Variants in GRIK1 observed in about 807,000 individuals in gnomAD.
GRIK1 encodes glutamate receptor ionotropic, kainate 1.
Under a neutral mutation model 105.7 loss-of-function variants are expected in GRIK1, and 69 were observed. The observed-to-expected ratio is 0.65, with a 90% CI of 0.54 to 0.80. The LOEUF is 0.80. Among genes scored for constraint, GRIK1 ranks in the 30% least tolerant of loss-of-function variants. The pLI is 0.00. For missense variants in GRIK1, 1,109 were observed against 1,167.3 expected (o/e 0.95, Z 0.73); for synonymous variants, 438 against 431.3 (o/e 1.02, Z -0.19).
intron 1 of GRIK1, among the ~76,000 whole-genome samples, chr21:29,789,381 C>T (rs922523704): frequency 6.7e-6 from 1 of 148,304 alleles, no homozygotes; most frequent in Non-Finnish European, 1.5e-5. Flanking sequence ...CACCACAGGA[C>T]CCTGAAATTG....
intron 7 of GRIK1, among the ~76,000 whole-genome samples, chr21:29,613,767 C>A (rs921584546): frequency 6.6e-6 from 1 of 152,126 alleles, no homozygotes; most frequent in Non-Finnish European, 1.5e-5. Flanking sequence ...CAAGGTCTGA[C>A]AAACTGCATA....
intron 7 of GRIK1, among the ~76,000 whole-genome samples, chr21:29,611,794 T>C (rs1409056468): frequency 2.0e-5 from 3 of 152,228 alleles, no homozygotes; most frequent in Non-Finnish European, 2.9e-5. Context: ...AGACTTTATA[T>C]GGGTCATAAG....
At chr21:29,726,710 G>T (rs536055971) in intron 1 of GRIK1, among the ~76,000 whole-genome samples, 3 of 151,154 alleles carry the variant, frequency 2.0e-5, no homozygotes, top group African/African-American at 7.3e-5. Flanking sequence ...TATATAAATT[G>T]ACTATAATTT....
At chr21:29,876,401 T>C (rs1370576118) in intron 1 of GRIK1, among the ~76,000 whole-genome samples, 1 of 152,160 alleles carries the variant, frequency 6.6e-6, no homozygotes, top group Non-Finnish European at 1.5e-5. Context: ...AATATATTTG[T>C]GTCTCATTGT....
intron 7 of GRIK1, among the ~76,000 whole-genome samples, chr21:29,608,737 G>C (rs1230183019): frequency 6.6e-6 from 1 of 152,170 alleles, no homozygotes; most frequent in Non-Finnish European, 1.5e-5. Flanking sequence ...CTTTGTCAGA[G>C]AATGGCAGTA....
intron 1 of GRIK1, among the ~76,000 whole-genome samples, chr21:29,860,566 C>T (rs1387953603): frequency 6.6e-6 from 1 of 152,168 alleles, no homozygotes; most frequent in Non-Finnish European, 1.5e-5. Context: ...ATGTGCCACA[C>T]CAGGAGGGTA....
chr21:29,853,102 C>A (rs917748600), intron 1 of GRIK1, among the ~76,000 whole-genome samples: 2 of 152,126 alleles, frequency 1.3e-5, no homozygotes, highest in Non-Finnish European at 1.5e-5. Context: ...TTTAAGTAAA[C>A]CACTTTTCTT....
intron 3 of GRIK1, among the ~76,000 whole-genome samples, chr21:29,680,536 C>T (rs1038468801): frequency 6.6e-6 from 1 of 152,142 alleles, no homozygotes; most frequent in African/African-American, 2.4e-5. Flanking sequence ...AAGAGTAGGC[C>T]CTCCTTATCT....
chr21:29,766,467 T>C (rs770793044), intron 1 of GRIK1, among the ~76,000 whole-genome samples: 9 of 152,102 alleles, frequency 5.9e-5, no homozygotes, highest in Non-Finnish European at 1.3e-4. Context: ...AATCCTGAGA[T>C]AGAGGTCTGA....
intron 1 of GRIK1, among the ~76,000 whole-genome samples, chr21:29,774,189 C>T (rs553216121): frequency 1.8e-4 from 27 of 152,248 alleles, no homozygotes; most frequent in South Asian, 8.3e-4. Context: ...ATTGGTTTCT[C>T]GGTTCATCAA....
chr21:29,819,253 T>C (rs1456428754), intron 1 of GRIK1, among the ~76,000 whole-genome samples: 1 of 152,130 alleles, frequency 6.6e-6, no homozygotes, highest in African/African-American at 2.4e-5. Flanking sequence ...CAAACACCAC[T>C]TCCATTTCAA....
intron 1 of GRIK1, among the ~76,000 whole-genome samples, chr21:29,710,274 T>G (rs1223591476): frequency 6.6e-6 from 1 of 152,088 alleles, no homozygotes; most frequent in Non-Finnish European, 1.5e-5. Context: ...ATGTGATTTG[T>G]TGATATTTTA....
intron 12 of GRIK1, among the ~76,000 whole-genome samples, chr21:29,586,916 G>A (rs931201285): frequency 1.3e-5 from 2 of 151,990 alleles, no homozygotes; most frequent in African/African-American, 4.8e-5. Flanking sequence ...TCATTCCTAA[G>A]GGTTTCACAA....
chr21:29,647,543 T>C (rs1043002928), intron 6 of GRIK1, among the ~76,000 whole-genome samples: 2 of 152,182 alleles, frequency 1.3e-5, no homozygotes, highest in African/African-American at 2.4e-5. Context: ...CGTAAGTTTA[T>C]GTTGTGAGTG....
Position 29,813,330 on chromosome 21 carries a change from C to G in GRIK1, c.119-119267G>C, listed in dbSNP as rs1340729699. Among the ~76,000 whole-genome samples, 3 of 152,092 alleles carry G rather than the reference C, an allele frequency of 2.0e-5. No homozygotes were observed. In the East Asian group the frequency reaches 5.8e-4, roughly 29 times the overall value. Reference sequence around the variant, plus strand: ...AAGAGGGAGCATTTGGCACTTTACCCAAACTAAGTGTTGGTTCAGTCATAT... The same window carrying G: ...AAGAGGGAGCATTTGGCACTTTACCGAAACTAAGTGTTGGTTCAGTCATAT... On this transcript the variant is annotated intron_variant, in intron 1 of 17. Coordinates refer to ENST00000327783, the MANE Select transcript of GRIK1 (RefSeq NM_001330994.2).
At chr21:29,743,914 C>T (rs1394544938) in intron 1 of GRIK1, among the ~76,000 whole-genome samples, 1 of 152,038 alleles carries the variant, frequency 6.6e-6, no homozygotes, top group African/African-American at 2.4e-5. Context: ...ATAACACACA[C>T]TGGGACCTTT....
At chr21:29,934,993 T>C (rs2071699501) in intron 1 of GRIK1, among the ~76,000 whole-genome samples, 1 of 152,152 alleles carries the variant, frequency 6.6e-6, no homozygotes, top group East Asian at 1.9e-4. Context: ...CCATTGGAGT[T>C]TTCAAGTTCA....
intron 1 of GRIK1, among the ~76,000 whole-genome samples, chr21:29,865,792 TC>T (rs2068782219): frequency 1.3e-5 from 2 of 152,242 alleles, no homozygotes; most frequent in African/African-American, 2.4e-5. Context: ...ATGCGTATAT[TC>T]TTTGACCAAG....
rs2090170565 is a variant in GRIK1 at position 29,553,433 on chromosome 21, T to TTTG, written c.2607+1616_2607+1618dup. On this transcript the variant is annotated intron_variant, in intron 16 of 17. Coordinates refer to ENST00000327783, the MANE Select transcript of GRIK1 (RefSeq NM_001330994.2). ...ATTTCAATGTCTAGAATACATGAGTTTTGCTATCCTAAAGGAATAGAGAAT... is the reference window on the plus strand; with the variant it reads ...ATTTCAATGTCTAGAATACATGAGTTTTGTTGCTATCCTAAAGGAATAGAGAAT... 5.0e-6 allele frequency: 7 copies of TTTG among 1,387,916 alleles called. No homozygotes were observed. In the South Asian group the frequency reaches 1.3e-4, roughly 26 times the overall value. The allele number at this position is 1,387,916 out of a possible 1,614,324, so 86.0% of individuals were successfully genotyped here.
Sources: gnomAD v4.1 joint callset for allele counts (sites outside exome capture counted in the v4.1 genomes callset) on GRCh38, gnomAD v4.1.1 for gene constraint, MANE v1.5 for transcripts, NCBI Gene and HGNC (gene_info 2026-07-23, HGNC 2026-07-21) for gene names.